Variants in CDK6 observed in about 807,000 individuals in gnomAD.
CDK6 encodes the protein cyclin dependent kinase 6, also known as cyclin-dependent kinase 6.
CDK6 carries 6 observed loss-of-function variants against 37.1 expected under a neutral mutation model. The ratio of observed to expected loss-of-function variants is 0.16; its 90% CI spans 0.09 to 0.32. CDK6 has a LOEUF of 0.32. Ranked by LOEUF, CDK6 falls within the 10% of genes least tolerant of loss-of-function variation. The pLI is 1.00. For missense variants in CDK6, 224 were observed against 418.9 expected (o/e 0.53, Z 4.06); for synonymous variants, 160 against 161.3 (o/e 0.99, Z 0.06).
chr7:92,681,844 C>A (rs1315324701), intron 4 of CDK6, among the ~76,000 whole-genome samples: 1 of 152,162 alleles, frequency 6.6e-6, no homozygotes, highest in Non-Finnish European at 1.5e-5. Flanking sequence ...CACCCCCGCT[C>A]CAATCCATGC....
intron 5 of CDK6, among the ~76,000 whole-genome samples, chr7:92,625,872 T>C (rs943954530): frequency 2.0e-5 from 3 of 152,108 alleles, no homozygotes; most frequent in South Asian, 4.1e-4. Flanking sequence ...AAGGAAGTCA[T>C]GGGTTAACCT....
At chr7:92,663,245 C>G (rs531976233) in intron 5 of CDK6, among the ~76,000 whole-genome samples, 9 of 152,060 alleles carry the variant, frequency 5.9e-5, no homozygotes, top group Non-Finnish European at 1.0e-4. Context: ...GTAAAGATCA[C>G]AGAACAGGCA....
Position 92,677,344 on chromosome 7 carries a change from G to A in CDK6, c.538-5809C>T, listed in dbSNP as rs184065943. Among the ~76,000 whole-genome samples the A allele has an allele frequency of 2.6e-5, 4 of 152,282 alleles. No individual in the cohort carries two copies. In the East Asian group the frequency reaches 7.7e-4, roughly 29 times the overall value. On this transcript the variant is annotated intron_variant, in intron 4 of 7. Coordinates refer to ENST00000424848, the MANE Select transcript of CDK6 (RefSeq NM_001145306.2). The stretch of plus-strand genomic sequence containing the variant: ...AAAATAACAAACTACTGGGCCAGGC[G>A]TGGTGGCTCATGCCTGTAATCCCAG...
At chr7:92,635,604 T>C (rs1796152001) in intron 5 of CDK6, among the ~76,000 whole-genome samples, 1 of 152,224 alleles carries the variant, frequency 6.6e-6, no homozygotes, top group African/African-American at 2.4e-5. Flanking sequence ...TAGAATGAAC[T>C]GTTACTCGTT....
At chr7:92,700,133 G>C (rs1471191141) in intron 4 of CDK6, among the ~76,000 whole-genome samples, 2 of 152,166 alleles carry the variant, frequency 1.3e-5, no homozygotes, top group African/African-American at 4.8e-5. Context: ...CTGGTAGAGA[G>C]AGCAACATGA....
At chr7:92,642,213 C>T (rs1178454770) in intron 5 of CDK6, among the ~76,000 whole-genome samples, 1 of 152,142 alleles carries the variant, frequency 6.6e-6, no homozygotes, top group African/African-American at 2.4e-5. Flanking sequence ...GACCCCAGAG[C>T]CCTGCATAGT....
intron 3 of CDK6, among the ~76,000 whole-genome samples, chr7:92,771,497 T>C (rs867559819): frequency 2.6e-5 from 4 of 152,320 alleles, no homozygotes; most frequent in Middle Eastern, 3.4e-3. Flanking sequence ...TGGCACAATA[T>C]AGACTGTGCT....
At chr7:92,649,280 T>C (rs1052181970) in intron 5 of CDK6, among the ~76,000 whole-genome samples, 2 of 152,188 alleles carry the variant, frequency 1.3e-5, no homozygotes, top group African/African-American at 2.4e-5. Context: ...CGTTTGTCAA[T>C]TGTTAAAAAA....
intron 5 of CDK6, among the ~76,000 whole-genome samples, chr7:92,643,404 T>C (rs927536889): frequency 6.6e-6 from 1 of 152,214 alleles, no homozygotes; most frequent in Non-Finnish European, 1.5e-5. Flanking sequence ...GTGATGTGCT[T>C]ATCACTATGC....
At chr7:92,660,814 A>T (rs1354953899) in intron 5 of CDK6, among the ~76,000 whole-genome samples, 3 of 152,176 alleles carry the variant, frequency 2.0e-5, no homozygotes, top group African/African-American at 7.2e-5. Context: ...TTCCATTAAC[A>T]GAAAAAGGGA....
chr7:92,681,691 G>GT (rs1195214552), intron 4 of CDK6, among the ~76,000 whole-genome samples: 1 of 152,200 alleles, frequency 6.6e-6, no homozygotes, highest in East Asian at 1.9e-4. Flanking sequence ...AGCAATTTAA[G>GT]TGCAGAATGC....
intron 4 of CDK6, among the ~76,000 whole-genome samples, chr7:92,690,647 A>T (rs1797580406): frequency 6.6e-6 from 1 of 152,234 alleles, no homozygotes; most frequent in Non-Finnish European, 1.5e-5. Context: ...TTAACATTCT[A>T]CAGAATTAGT....
chr7:92,671,358 A>T (rs1797068309), intron 5 of CDK6, 68 bp downstream of exon 5: 1 of 985,010 alleles, frequency 1.0e-6, no homozygotes, highest in Admixed American at 2.5e-5. Context: ...CCATGCTGCC[A>T]CTCAAATTCA....
intron 2 of CDK6, among the ~76,000 whole-genome samples, chr7:92,830,668 G>A (rs1801453604): frequency 6.6e-6 from 1 of 152,152 alleles, no homozygotes; most frequent in Non-Finnish European, 1.5e-5. Context: ...CAAGTCATGG[G>A]GACCAATGGT....
At chr7:92,757,111 A>G (rs1483539479) in intron 3 of CDK6, among the ~76,000 whole-genome samples, 3 of 152,218 alleles carry the variant, frequency 2.0e-5, no homozygotes, top group African/African-American at 7.2e-5. Flanking sequence ...TATAGTCTTT[A>G]AGGATCTGTG....
At chr7:92,649,610 A>C (rs1796528497) in intron 5 of CDK6, among the ~76,000 whole-genome samples, 1 of 152,210 alleles carries the variant, frequency 6.6e-6, no homozygotes, top group African/African-American at 2.4e-5. Context: ...TGAGCACTTT[A>C]TATTCTAAAA....
intron 4 of CDK6, among the ~76,000 whole-genome samples, chr7:92,703,723 G>A (rs899783498): frequency 6.6e-6 from 1 of 152,164 alleles, no homozygotes; most frequent in Non-Finnish European, 1.5e-5. Context: ...TGTAAGCTCT[G>A]CAAGTGTATT....
At chr7:92,780,833 A>C (rs1448595641) in intron 2 of CDK6, among the ~76,000 whole-genome samples, 1 of 151,898 alleles carries the variant, frequency 6.6e-6, no homozygotes, top group Non-Finnish European at 1.5e-5. Flanking sequence ...AACCCCAAAA[A>C]ACTGGAAAAT....
At chr7:92,618,253 A>G (rs747816255) in intron 6 of CDK6, 46 bp from the exon 7 acceptor site, 1 of 1,598,624 alleles carries the variant, frequency 6.3e-7, no homozygotes, top group South Asian at 1.1e-5. Context: ...TACTATGCAG[A>G]AGCTGTTTTC....
Sources: gnomAD v4.1 joint callset for allele counts (sites outside exome capture counted in the v4.1 genomes callset) on GRCh38, gnomAD v4.1.1 for gene constraint, MANE v1.5 for transcripts, NCBI Gene and HGNC (gene_info 2026-07-23, HGNC 2026-07-21) for gene names.